Variants in TRAPPC6A observed in about 807,000 individuals in gnomAD.
TRAPPC6A encodes the protein trafficking protein particle complex subunit 6A, also known as TRAPP complex subunit 6A.
A neutral mutation model predicts 20.8 loss-of-function variants in TRAPPC6A; 25 were observed. The observed-to-expected ratio is 1.20, with a 90% CI of 0.88 to 1.68. TRAPPC6A has a LOEUF of 1.68. Among genes scored for constraint, TRAPPC6A ranks in the 40% most tolerant of loss-of-function variants. TRAPPC6A has a pLI of 0.00. For synonymous variants in TRAPPC6A, 96 were observed against 93.3 expected (o/e 1.03, Z -0.16); for missense variants, 215 against 211.6 (o/e 1.02, Z -0.10).
In TRAPPC6A at chr19:45,166,995, A is replaced by G. The variant is rs145411880; in HGVS notation, c.85-1801T>C. Among the ~76,000 whole-genome samples the G allele has an allele frequency of 2.9e-3, 437 of 152,222 alleles. 2 individuals are homozygous for G. Among genetic ancestry groups the G allele is most frequent in the African/African-American group, 9.9e-3 (412 of 41,536 alleles). ...ACCCTCTCCTCTGCCCCCTGAGGACATTCGCTCAGACTTCTGAGCCTTTGT... is the reference window on the plus strand; with the variant it reads ...ACCCTCTCCTCTGCCCCCTGAGGACGTTCGCTCAGACTTCTGAGCCTTTGT... On this transcript the variant is annotated intron_variant, in intron 1 of 5. Coordinates refer to ENST00000585934, the MANE Select transcript of TRAPPC6A (RefSeq NM_001270891.2).
At position 45,178,152 on chromosome 19, in the gene TRAPPC6A, G is replaced by T. The variant is rs1362281188; in HGVS notation, c.67C>A (p.Pro23Thr). 6.2e-7 allele frequency: 1 copy of T among 1,613,216 alleles called. No individual in the cohort carries two copies. The highest frequency in any genetic ancestry group is 1.7e-4 in the Middle Eastern group (1 of 6,060). ...GCGCTCACCCCCGGGCCGGGGTCGG[G>T]GTCGTGAGCCCACAGCTCAGCCACC... ...EMVAELWAHD[P>T]DPGPGGQKMS... Residue 23 changes from proline (P) to threonine (T), a missense_variant, in exon 1 of 6, where the codon CCC (proline) becomes ACC (threonine). By Grantham distance (38) the Pro-to-Thr change is conservative (BLOSUM62 -1). Transcript: ENST00000585934.
At position 45,164,264 on chromosome 19, in the gene TRAPPC6A, G is replaced by C. The variant is rs1969091947; in HGVS notation, c.271-17C>G. ...GTAGGTCCCCTGGGGGAGAGGAGAG[G>C]CTGGTGGGTGGGGTCGGGGCCTGTA... On this transcript the variant is annotated splice_polypyrimidine_tract_variant and intron_variant, in intron 3 of 5. Transcript: ENST00000585934. 1 of 1,565,278 alleles carries C rather than the reference G, an allele frequency of 6.4e-7. No individual in the cohort carries two copies. Among genetic ancestry groups the C allele is most frequent in the African/African-American group, 1.4e-5 (1 of 73,798 alleles).
chr19:45,174,252 G>C (rs950406095), intron 1 of TRAPPC6A, among the ~76,000 whole-genome samples: 1 of 152,142 alleles, frequency 6.6e-6, no homozygotes, highest in Admixed American at 6.6e-5. Context: ...ATGAAATCAA[G>C]AGTGAGAAGC....
At position 45,163,153 on chromosome 19, in the gene TRAPPC6A, C is replaced by A. The variant is rs1172257985; in HGVS notation, c.*39G>T. 1 of 1,613,342 alleles carries A rather than the reference C, an allele frequency of 6.2e-7. No homozygotes were observed. The highest frequency in any genetic ancestry group is 8.5e-7 in the Non-Finnish European group (1 of 1,179,556). ...CCACCGTCTCCTGAGGCCGGTGAGG[C>A]CAGGGGCAGCAGTGCGGCTCAGCAG... On this transcript the variant is annotated 3_prime_UTR_variant, in exon 6 of 6. Transcript: ENST00000585934. This position sits in a 1 kb window ranked among gnomAD's most constrained non-coding sequence, Gnocchi z 5.3.
chr19:45,174,892 G>T (rs1367311133), intron 1 of TRAPPC6A, among the ~76,000 whole-genome samples: 2 of 143,420 alleles, frequency 1.4e-5, no homozygotes, highest in Admixed American at 1.4e-4. Context: ...AGGCCGAGGT[G>T]GGCAGATCAT....
chr19:45,164,966 G>A lies in TRAPPC6A; in HGVS notation c.157C>T (p.Pro53Ser). The change falls in exon 3 of 6, where the codon CCC becomes TCC. Residue 53 changes from proline to serine, a missense_variant. By Grantham distance (74) the Pro-to-Ser change is moderately conservative. Coordinates refer to ENST00000585934, the MANE Select transcript of TRAPPC6A (RefSeq NM_001270891.2). ...RVGQALGERL[P>S]RETLAFREEL... ...TCCCTGAAGGCCAGCGTCTCCCGGG[G>A]CAGCCTGGTGGGGCAGTACCAAGCT... 5 of 1,614,028 alleles carry A rather than the reference G, an allele frequency of 3.1e-6. No individual in the cohort carries two copies. Among genetic ancestry groups the A allele is most frequent in the Admixed American group, 1.7e-5 (1 of 60,022 alleles).
intron 1 of TRAPPC6A, among the ~76,000 whole-genome samples, chr19:45,174,403 ACT>A (rs1969322787): frequency 6.6e-6 from 1 of 152,074 alleles, no homozygotes. Context: ...ACACGTCCAC[ACT>A]GAGGACCCAC....
chr19:45,168,368 G>T (rs1482743056), intron 1 of TRAPPC6A, among the ~76,000 whole-genome samples: 1 of 152,190 alleles, frequency 6.6e-6, no homozygotes. Flanking sequence ...GCTTCCTCCA[G>T]CTCAGGGTCC....
At chr19:45,168,231 C>T (rs1411685366) in intron 1 of TRAPPC6A, among the ~76,000 whole-genome samples, 1 of 151,484 alleles carries the variant, frequency 6.6e-6, no homozygotes, top group East Asian at 2.0e-4. Context: ...TCTTGATCTC[C>T]TGACCTCGTG....
chr19:45,176,869 T>TAAAA (rs563420112), intron 1 of TRAPPC6A, among the ~76,000 whole-genome samples: 1 of 125,510 alleles, frequency 8.0e-6, no homozygotes, highest in Non-Finnish European at 1.7e-5. Flanking sequence ...CCGTATCTAC[T>TAAAA]AAAAAAAAAA....
chr19:45,175,401 TG>T (rs1015322930), intron 1 of TRAPPC6A, among the ~76,000 whole-genome samples: 32 of 147,346 alleles, frequency 2.2e-4, no homozygotes, highest in Admixed American at 1.9e-3. Context: ...CACTCCAGCC[TG>T]GGCGACAGAG....
intron 1 of TRAPPC6A, among the ~76,000 whole-genome samples, chr19:45,177,265 T>C (rs1389375886): frequency 6.6e-6 from 1 of 151,966 alleles, no homozygotes; most frequent in African/African-American, 2.4e-5. Flanking sequence ...CCTAGCACTT[T>C]GGGAGGCCCA....
intron 1 of TRAPPC6A, among the ~76,000 whole-genome samples, chr19:45,165,785 G>A (rs992236219): frequency 3.3e-5 from 5 of 152,214 alleles, no homozygotes; most frequent in Non-Finnish European, 7.3e-5. Flanking sequence ...CTGGAGGGTA[G>A]GCCAGGGTCC....
intron 1 of TRAPPC6A, among the ~76,000 whole-genome samples, chr19:45,169,829 C>T (rs998013175): frequency 3.3e-5 from 5 of 152,118 alleles, no homozygotes; most frequent in African/African-American, 1.2e-4. Context: ...GCAAAGCTCC[C>T]AGAGGCAGGG....
chr19:45,172,817 G>A lies in TRAPPC6A; in HGVS notation c.84+5318C>T, dbSNP rs1419209564. Among the ~76,000 whole-genome samples the A allele has an allele frequency of 6.6e-6, 1 of 151,696 alleles. No individual in the cohort carries two copies. Among genetic ancestry groups the A allele is most frequent in the Non-Finnish European group, 1.5e-5 (1 of 68,028 alleles). ...CATCCAGTCCATTCCTGTGGCCAGGGAGACATTTCTAGAATGTAAATCTGA... is the reference window on the plus strand; with the variant it reads ...CATCCAGTCCATTCCTGTGGCCAGGAAGACATTTCTAGAATGTAAATCTGA... On this transcript the variant is annotated intron_variant, in intron 1 of 5. Transcript: ENST00000585934. The surrounding 1 kb of genome is among the most constrained non-coding windows in gnomAD (Gnocchi z 4.2).
At position 45,163,110 on chromosome 19, in the gene TRAPPC6A, C is replaced by A; in HGVS notation, c.*82G>T. The A allele has an allele frequency of 6.4e-7, 1 of 1,556,122 alleles. No individual in the cohort carries two copies. The highest frequency in any genetic ancestry group is 8.8e-7 in the Non-Finnish European group (1 of 1,132,836). Reference sequence around the variant, plus strand: ...CTAGGGCCTGGGATTCCCAAGACCACCCCGAAATGCAGCGGCCCCACCGTC... The same window carrying A: ...CTAGGGCCTGGGATTCCCAAGACCAACCCGAAATGCAGCGGCCCCACCGTC... On this transcript the variant is annotated 3_prime_UTR_variant, in exon 6 of 6. Transcript: ENST00000585934. The surrounding 1 kb of genome is among the most constrained non-coding windows in gnomAD (Gnocchi z 5.3).
intron 1 of TRAPPC6A, among the ~76,000 whole-genome samples, chr19:45,176,950 C>A (rs1428168903): frequency 6.6e-6 from 1 of 151,728 alleles, no homozygotes; most frequent in African/African-American, 2.4e-5. Context: ...GGGCAGATCA[C>A]GAGGTCAGAA....
intron 1 of TRAPPC6A, among the ~76,000 whole-genome samples, chr19:45,175,320 G>A (rs1212956559): frequency 2.0e-5 from 3 of 150,376 alleles, no homozygotes; most frequent in Non-Finnish European, 4.4e-5. Flanking sequence ...CCAGCTACTC[G>A]GGAGGCTGAG....
chr19:45,164,126 G>A (rs753484647), intron 4 of TRAPPC6A, 38 bp downstream of exon 4: 4 of 1,571,666 alleles, frequency 2.5e-6, no homozygotes, highest in Non-Finnish European at 3.5e-6. Context: ...TAAACAGGAG[G>A]AAGGGAGGTG....
Sources: allele counts gnomAD v4.1 joint callset (sites outside exome capture counted in the v4.1 genomes callset), GRCh38; gene constraint gnomAD v4.1.1; non-coding constraint Gnocchi (gnomAD v3.1); transcripts MANE v1.5; gene names NCBI Gene and HGNC (gene_info 2026-07-23, HGNC 2026-07-21).